Variants in KLHL18 observed in about 807,000 individuals in gnomAD.
The protein encoded by KLHL18 is kelch-like protein 18.
KLHL18 carries 38 observed loss-of-function variants against 58.5 expected under a neutral mutation model. That is an observed-to-expected ratio of 0.65 (90% CI 0.50 to 0.85). KLHL18 has a LOEUF of 0.85. Among genes scored for constraint, KLHL18 ranks in the 40% least tolerant of loss-of-function variants. The probability of loss-of-function intolerance (pLI) is 0.00; values close to 1 mark genes in which losing one functional copy is unlikely to be tolerated. For missense variants in KLHL18, 624 were observed against 778.4 expected (o/e 0.80, Z 2.36); for synonymous variants, 303 against 301.9 (o/e 1.00, Z -0.04).
intron 3 of KLHL18, among the ~76,000 whole-genome samples, chr3:47,322,926 C>G: frequency 6.6e-6 from 1 of 152,100 alleles, no homozygotes; most frequent in East Asian, 1.9e-4. Context: ...TCCAGCCTGC[C>G]CTTTCCCTTG....
At chr3:47,331,385 C>G (rs1246434548) in intron 4 of KLHL18, among the ~76,000 whole-genome samples, 1 of 151,086 alleles carries the variant, frequency 6.6e-6, no homozygotes, top group Non-Finnish European at 1.5e-5. Flanking sequence ...CTTGGCCTCC[C>G]AAAGTGCTGG....
intron 1 of KLHL18, among the ~76,000 whole-genome samples, chr3:47,300,728 C>T (rs1336466249): frequency 6.6e-6 from 1 of 150,396 alleles, no homozygotes; most frequent in African/African-American, 2.5e-5. Context: ...CAACCTCCGC[C>T]TCCCAGGTTC....
intron 1 of KLHL18, among the ~76,000 whole-genome samples, chr3:47,315,476 G>T (rs556806792): frequency 6.6e-6 from 1 of 152,178 alleles, no homozygotes; most frequent in Admixed American, 6.5e-5. Context: ...AGTAGTGCAT[G>T]GTAGAACCAT....
At chr3:47,309,853 C>T (rs1277299013) in intron 1 of KLHL18, among the ~76,000 whole-genome samples, 1 of 152,168 alleles carries the variant, frequency 6.6e-6, no homozygotes, top group African/African-American at 2.4e-5. Context: ...TAACGAAAAC[C>T]AGTCAGGCGT....
chr3:47,316,679 A>ATATGTGTGTGTATATATACATATATACG lies in KLHL18; in HGVS notation c.130-2970_130-2943dup, dbSNP rs1576161838. ...TATATACATATATACGTATATATGT[A>ATATGTGTGTGTATATATACATATATACG]TATGTGTGTGTATATATACATATAT... On this transcript the variant is annotated intron_variant, in intron 1 of 9. Transcript: ENST00000232766. 8.0e-5 allele frequency among the ~76,000 whole-genome samples: 6 copies of ATATGTGTGTGTATATATACATATATACG among 74,782 alleles called. No individual in the cohort carries two copies. The South Asian group carries it at 1.6e-3, about 20-fold the overall frequency. The allele number at this position is 74,782 out of a possible 152,430, so 49.1% of individuals were successfully genotyped here.
At chr3:47,298,659 A>C (rs1416277155) in intron 1 of KLHL18, among the ~76,000 whole-genome samples, 1 of 152,132 alleles carries the variant, frequency 6.6e-6, no homozygotes, top group Non-Finnish European at 1.5e-5. Flanking sequence ...CACAATACAG[A>C]GCTAGTTCAT....
chr3:47,290,558 C>T (rs1702771186), intron 1 of KLHL18, among the ~76,000 whole-genome samples: 1 of 152,050 alleles, frequency 6.6e-6, no homozygotes, highest in African/African-American at 2.4e-5. Context: ...AAATCCCTGG[C>T]TCAAGCCATC....
At chr3:47,338,666 AC>A (rs1454375071) in intron 7 of KLHL18, 1 of 152,190 alleles carries the variant, frequency 6.6e-6, no homozygotes, top group African/African-American at 2.4e-5. Flanking sequence ...TACTAAAAAT[AC>A]AAAAATTAGC....
At chr3:47,302,357 C>T (rs895027241) in intron 1 of KLHL18, among the ~76,000 whole-genome samples, 1 of 152,064 alleles carries the variant, frequency 6.6e-6, no homozygotes, top group Non-Finnish European at 1.5e-5. Flanking sequence ...TGGTGGCGTG[C>T]ACCTGTAGTC....
intron 1 of KLHL18, among the ~76,000 whole-genome samples, chr3:47,300,309 A>ATATATATATG (rs1244173185): frequency 2.8e-4 from 40 of 144,404 alleles, no homozygotes; most frequent in Middle Eastern, 3.6e-3. Context: ...ATATATATAT[A>ATATATATATG]TGTGTGTATA....
chr3:47,287,070 T>C (rs1702690193), intron 1 of KLHL18: 1 of 152,250 alleles, frequency 6.6e-6, no homozygotes, highest in African/African-American at 2.4e-5. Context: ...GAGGGGATTC[T>C]TCAGTGGCTT....
At chr3:47,319,853 T>C (rs958766460) in intron 2 of KLHL18, 70 bp downstream of exon 2, 8 of 1,535,918 alleles carry the variant, frequency 5.2e-6, no homozygotes, top group African/African-American at 1.4e-5. Context: ...CACGGTTCCG[T>C]TGAGGACCTG....
Position 47,285,405 on chromosome 3 carries a change from G to A in KLHL18, c.129+2311G>A, listed in dbSNP as rs528623840. ...AGACTAGTGAAAAGCAGTAATAGGT[G>A]TGAATTTCTAGATTAAAATTTAGGC... On this transcript the variant is annotated intron_variant, in intron 1 of 9. Coordinates refer to ENST00000232766, the MANE Select transcript of KLHL18 (RefSeq NM_025010.5). Among the ~76,000 whole-genome samples, 3 of 152,344 alleles carry A rather than the reference G, an allele frequency of 2.0e-5. No homozygotes were observed. The East Asian group carries it at 5.8e-4, about 29-fold the overall frequency.
chr3:47,329,638 A>T (rs1326946555), intron 3 of KLHL18, among the ~76,000 whole-genome samples: 2 of 152,206 alleles, frequency 1.3e-5, no homozygotes, highest in Admixed American at 1.3e-4. Flanking sequence ...GAACGTCTCA[A>T]ACAGATTTTC....
At chr3:47,297,255 A>G (rs1400772539) in intron 1 of KLHL18, among the ~76,000 whole-genome samples, 1 of 152,208 alleles carries the variant, frequency 6.6e-6, no homozygotes, top group African/African-American at 2.4e-5. Context: ...ATGTTTTATT[A>G]TACTTGCCAT....
chr3:47,313,697 A>G (rs1703358641), intron 1 of KLHL18, among the ~76,000 whole-genome samples: 1 of 152,208 alleles, frequency 6.6e-6, no homozygotes, highest in African/African-American at 2.4e-5. Context: ...ATGTAGTTTT[A>G]TCATGTGTAG....
In KLHL18 at chr3:47,328,686, C is replaced by T. The variant is rs75230827; in HGVS notation, c.402-1265C>T. Among the ~76,000 whole-genome samples the T allele has an allele frequency of 3.8e-3, 585 of 152,150 alleles. 4 individuals carry two copies. Among genetic ancestry groups the T allele is most frequent in the Middle Eastern group, 6.8e-3 (2 of 294 alleles). On this transcript the variant is annotated intron_variant, in intron 3 of 9. Transcript: ENST00000232766. ...GGACTGTGAGCACCATTTTTGGTTT[C>T]CCTGAGCCTGTTTTCCATCTGTGAG...
chr3:47,303,026 A>G (rs116001696), intron 1 of KLHL18, among the ~76,000 whole-genome samples: 151 of 152,328 alleles, frequency 9.9e-4, no homozygotes, highest in African/African-American at 3.4e-3. Context: ...AAAGATCTAT[A>G]TCTTGAAACT....
Position 47,344,067 on chromosome 3 carries a change from A to G in KLHL18, c.*126A>G. 4 of 1,276,418 alleles carry G rather than the reference A, an allele frequency of 3.1e-6. No homozygotes were observed. The highest frequency in any genetic ancestry group is 2.9e-5 in the South Asian group (2 of 69,034). The allele number at this position is 1,276,418 out of a possible 1,614,324, so 79.1% of individuals were successfully genotyped here. ...CGAAACGTGAGCTCGCCGGAGGTACAGTTTTTCCAGGTGCTTAAGCCCTCC... is the reference window on the plus strand; with the variant it reads ...CGAAACGTGAGCTCGCCGGAGGTACGGTTTTTCCAGGTGCTTAAGCCCTCC... On this transcript the variant is annotated 3_prime_UTR_variant, in exon 10 of 10. Transcript: ENST00000232766.
Sources: gnomAD v4.1 joint callset for allele counts (sites outside exome capture counted in the v4.1 genomes callset) on GRCh38, gnomAD v4.1.1 for gene constraint, MANE v1.5 for transcripts, NCBI Gene and HGNC (gene_info 2026-07-23, HGNC 2026-07-21) for gene names.